GALK2: variants seen among roughly 807,000 people sequenced by gnomAD.
GALK2 encodes the protein galactokinase 2, also known as N-acetylgalactosamine kinase.
GALK2 carries 36 observed loss-of-function variants against 52.4 expected under a neutral mutation model. The observed-to-expected ratio is 0.69, with a 90% confidence interval of 0.53 to 0.91. GALK2 has a LOEUF of 0.91. GALK2 is among the 40% of genes least tolerant of loss of function. The pLI, the probability that GALK2 is intolerant of heterozygous loss-of-function variation, is 0.00. For synonymous variants in GALK2, 176 were observed against 199.1 expected (o/e 0.88, Z 0.98); for missense variants, 579 against 559.1 (o/e 1.04, Z -0.36).
intron 8 of GALK2, among the ~76,000 whole-genome samples, chr15:49,295,309 T>TTCTCTCTCTC (rs58542204): frequency 6.9e-6 from 1 of 145,672 alleles, no homozygotes; most frequent in African/African-American, 2.6e-5. Flanking sequence ...ACAAGCTCAT[T>TTCTCTCTCTC]TCTCTCTCTC....
At chr15:49,361,309 G>C (rs1181328251) in intron 3 of GALK2, among the ~76,000 whole-genome samples, 1 of 152,014 alleles carries the variant, frequency 6.6e-6, no homozygotes, top group African/African-American at 2.4e-5. Context: ...GTAAATTGAT[G>C]TTACAGGGAT....
At chr15:49,285,646 A>C (rs1157348545) in intron 7 of GALK2, among the ~76,000 whole-genome samples, 1 of 152,114 alleles carries the variant, frequency 6.6e-6, no homozygotes, top group African/African-American at 2.4e-5. Context: ...TCTCAAACTG[A>C]GCATGTTGAA....
At chr15:49,172,983 T>C (rs1182466707) in intron 1 of GALK2, among the ~76,000 whole-genome samples, 1 of 152,234 alleles carries the variant, frequency 6.6e-6, no homozygotes, top group Non-Finnish European at 1.5e-5. Context: ...TATGCAACCA[T>C]CACCATAATC....
intron 1 of GALK2, among the ~76,000 whole-genome samples, chr15:49,196,770 C>T (rs1233368408): frequency 6.6e-6 from 1 of 152,074 alleles, no homozygotes; most frequent in African/African-American, 2.4e-5. Context: ...CAAGTAATTA[C>T]TGTTTCATTT....
chr15:49,158,363 T>A (rs1265755546), intron 1 of GALK2, among the ~76,000 whole-genome samples: 2 of 152,238 alleles, frequency 1.3e-5, no homozygotes, highest in African/African-American at 4.8e-5. Context: ...GTAGATTGGT[T>A]AGGTGAACAA....
At chr15:49,316,504 T>C (rs2036425754) in intron 8 of GALK2, among the ~76,000 whole-genome samples, 2 of 152,054 alleles carry the variant, frequency 1.3e-5, no homozygotes, top group South Asian at 2.1e-4. Context: ...TTAGGAGATA[T>C]ACCTAATGTA....
intron 3 of GALK2, among the ~76,000 whole-genome samples, chr15:49,353,303 G>A (rs1463990276): frequency 6.6e-6 from 1 of 152,080 alleles, no homozygotes; most frequent in Non-Finnish European, 1.5e-5. Context: ...GCAATCAAGG[G>A]TTTTATGTTT....
intron 8 of GALK2, among the ~76,000 whole-genome samples, chr15:49,302,881 TTTG>T (rs1367138273): frequency 6.6e-6 from 1 of 152,218 alleles, no homozygotes; most frequent in East Asian, 1.9e-4. Flanking sequence ...GTCTATTGTT[TTTG>T]TTTTTATGAG....
At chr15:49,205,561 A>G (rs979611499) in intron 2 of GALK2, among the ~76,000 whole-genome samples, 1 of 151,210 alleles carries the variant, frequency 6.6e-6, no homozygotes, top group Non-Finnish European at 1.5e-5. Context: ...TCCTTAGCCC[A>G]CTCTTTGAAT....
chr15:49,366,194 G>A (rs959675101), intron 3 of GALK2: 5 of 804,968 alleles, frequency 6.2e-6, no homozygotes, highest in East Asian at 2.4e-5. Context: ...GTTAGGCCAC[G>A]ATGGAGAACA....
chr15:49,339,870 G>A (rs995141853), intron 3 of GALK2, among the ~76,000 whole-genome samples: 1 of 152,116 alleles, frequency 6.6e-6, no homozygotes, highest in African/African-American at 2.4e-5. Context: ...GCTGAGCTGC[G>A]GTGGGCTCCA....
chr15:49,337,636 A>G (rs1045572637), intron 3 of GALK2, among the ~76,000 whole-genome samples: 7 of 148,082 alleles, frequency 4.7e-5, no homozygotes, highest in Non-Finnish European at 1.0e-4. Flanking sequence ...TCAACCTGTC[A>G]TCTACATTAG....
chr15:49,162,513 C>T (rs1313989164), intron 1 of GALK2, among the ~76,000 whole-genome samples: 1 of 152,180 alleles, frequency 6.6e-6, no homozygotes, highest in African/African-American at 2.4e-5. Flanking sequence ...GGTAGACAGA[C>T]TCTGGTGGCT....
intron 8 of GALK2, among the ~76,000 whole-genome samples, chr15:49,299,735 T>TTTCTTTCTTTCTTTCCTTTC (rs1347140534): frequency 6.4e-5 from 5 of 77,530 alleles, no homozygotes; most frequent in African/African-American, 2.8e-4. Context: ...TCTTTCTTTC[T>TTTCTTTCTTTCTTTCCTTTC]TTTCTTTCTT....
At chr15:49,279,099 A>AG (rs1213733205) in intron 5 of GALK2, among the ~76,000 whole-genome samples, 5 of 152,318 alleles carry the variant, frequency 3.3e-5, no homozygotes, top group African/African-American at 1.2e-4. Flanking sequence ...CTTGACACGT[A>AG]GGGATTATGG....
chr15:49,188,583 AC>A (rs1159561514), intron 1 of GALK2, among the ~76,000 whole-genome samples: 1 of 152,102 alleles, frequency 6.6e-6, no homozygotes, highest in Non-Finnish European at 1.5e-5. Context: ...TGATTTTAAA[AC>A]CAGATGTTGT....
At chr15:49,256,820 A>G (rs2141596745) in intron 5 of GALK2, among the ~76,000 whole-genome samples, 1 of 152,210 alleles carries the variant, frequency 6.6e-6, no homozygotes, top group East Asian at 1.9e-4. Context: ...GAGACTATTT[A>G]TTTTTTAAAT....
intron 3 of GALK2, among the ~76,000 whole-genome samples, chr15:49,226,211 T>A (rs1186059357): frequency 6.6e-6 from 1 of 152,122 alleles, no homozygotes; most frequent in East Asian, 1.9e-4. Flanking sequence ...CCTTGCCAGT[T>A]TAAATGTTTA....
At chr15:49,177,740 T>C in intron 1 of GALK2, 2 of 817,062 alleles carry the variant, frequency 2.4e-6, no homozygotes, top group Non-Finnish European at 3.6e-6. Context: ...TGCATCACCC[T>C]TTGCTTGTGG....
Sources: gnomAD v4.1 joint callset for allele counts (sites outside exome capture counted in the v4.1 genomes callset) on GRCh38, gnomAD v4.1.1 for gene constraint, MANE v1.5 for transcripts, NCBI Gene and HGNC (gene_info 2026-07-23, HGNC 2026-07-21) for gene names.